Variants in SCN4B observed in about 807,000 individuals in gnomAD.
The protein encoded by SCN4B is sodium channel regulatory subunit beta-4.
A neutral mutation model predicts 19.6 loss-of-function variants in SCN4B; 20 were observed. The ratio of observed to expected loss-of-function variants is 1.02; its 90% CI spans 0.72 to 1.48. The LOEUF is 1.48. SCN4B is among the 40% of genes most tolerant of loss of function. The pLI, the probability that SCN4B is intolerant of heterozygous loss-of-function variation, is 0.00. For missense variants in SCN4B, 271 were observed against 287.5 expected (o/e 0.94, Z 0.42); for synonymous variants, 127 against 122.8 (o/e 1.03, Z -0.22).
chr11:118,144,981 A>G, intron 2 of SCN4B, 76 bp downstream of exon 2: 1 of 1,461,090 alleles, frequency 6.8e-7, no homozygotes, highest in East Asian at 2.3e-5. Flanking sequence ...GTCTCAGTCC[A>G]GAAGGGACCA....
In SCN4B at chr11:118,135,985, C is replaced by T. The variant is rs1314008627; in HGVS notation, c.*1042G>A. On this transcript the variant is annotated 3_prime_UTR_variant, in exon 5 of 5. Transcript: ENST00000324727. The stretch of plus-strand genomic sequence containing the variant: ...CCTGAGGCGAAGGCAGGCCCTTGAC[C>T]CAGGGCTGGGAAATGAACCACCCTG... 17 of 451,742 alleles carry T rather than the reference C, an allele frequency of 3.8e-5. No individual in the cohort carries two copies. The highest frequency in any genetic ancestry group is 8.0e-5 in the African/African-American group (4 of 49,858). The allele number at this position is 451,742 out of a possible 1,614,324, so 28.0% of individuals were successfully genotyped here.
In SCN4B at chr11:118,135,987, A is replaced by G. The variant is rs1420135439; in HGVS notation, c.*1040T>C. 3 of 449,698 alleles carry G rather than the reference A, an allele frequency of 6.7e-6. No individual in the cohort carries two copies. The highest frequency in any genetic ancestry group is 1.3e-5 in the Non-Finnish European group (3 of 225,766). 27.9% of individuals were successfully genotyped at this position (449,698 alleles called of 1,614,324 possible). ...TGAGGCGAAGGCAGGCCCTTGACCC[A>G]GGGCTGGGAAATGAACCACCCTGGG... On this transcript the variant is annotated 3_prime_UTR_variant, in exon 5 of 5. Transcript: ENST00000324727.
intron 1 of SCN4B, among the ~76,000 whole-genome samples, chr11:118,151,015 G>T (rs1184636669): frequency 6.6e-6 from 1 of 152,074 alleles, no homozygotes; most frequent in Non-Finnish European, 1.5e-5. Flanking sequence ...ATATCAATAG[G>T]CCTTAGCCCC....
In SCN4B at chr11:118,135,922, G is replaced by A. The variant is rs554742649; in HGVS notation, c.*1105C>T. On this transcript the variant is annotated 3_prime_UTR_variant, in exon 5 of 5. Transcript: ENST00000324727. The stretch of plus-strand genomic sequence containing the variant: ...GGCCCAGCTGAGCAGGAAGCAGCTG[G>A]GAAACCCAAGGACCCCCTCATCCAA... 7.3e-5 allele frequency: 33 copies of A among 454,332 alleles called. 1 individual carries two copies. The highest frequency in any genetic ancestry group is 4.7e-4 in the South Asian group (30 of 64,472). 28.1% of individuals were successfully genotyped at this position (454,332 alleles called of 1,614,324 possible).
rs1020072672 is a variant in SCN4B, at chr11:118,146,898, A to G, written c.62-1669T>C. Among the ~76,000 whole-genome samples, 4 of 152,332 alleles carry G rather than the reference A, an allele frequency of 2.6e-5. No individual in the cohort carries two copies. The East Asian group carries it at 5.8e-4, about 22-fold the overall frequency. On this transcript the variant is annotated intron_variant, in intron 1 of 4. Transcript: ENST00000324727. ...CCCAGATCTACCCACCAGGGCTCCA[A>G]TTAGTGCTGGGAAGTTATTTCAATT...
In SCN4B at chr11:118,148,282, A is replaced by G. The variant is rs1180657523; in HGVS notation, c.62-3053T>C. Among the ~76,000 whole-genome samples the G allele has an allele frequency of 6.6e-6, 1 of 152,214 alleles. No individual in the cohort carries two copies. Among genetic ancestry groups the G allele is most frequent in the Non-Finnish European group, 1.5e-5 (1 of 68,046 alleles). On this transcript the variant is annotated intron_variant, in intron 1 of 4. Transcript: ENST00000324727. This position sits in a 1 kb window ranked among gnomAD's most constrained non-coding sequence, Gnocchi z 4.0. The stretch of plus-strand genomic sequence containing the variant: ...CAGTCGGGAGTCATGCAGTCCTGCC[A>G]GTTATGTCTGGGAGGGTCATGCACA...
chr11:118,138,122 C>T (rs1388390869), intron 4 of SCN4B, among the ~76,000 whole-genome samples: 1 of 152,116 alleles, frequency 6.6e-6, no homozygotes, highest in East Asian at 1.9e-4. Flanking sequence ...AGGCTGGGCA[C>T]ACAGAACTCC....
Position 118,136,043 on chromosome 11 carries a change from G to A in SCN4B, c.*984C>T, listed in dbSNP as rs748377170. 30 of 438,512 alleles carry A rather than the reference G, an allele frequency of 6.8e-5. 1 individual carries two copies. The highest frequency in any genetic ancestry group is 1.4e-4 in the East Asian group (2 of 14,140). 27.2% of individuals were successfully genotyped at this position (438,512 alleles called of 1,614,324 possible). On this transcript the variant is annotated 3_prime_UTR_variant, in exon 5 of 5. Coordinates refer to ENST00000324727, the MANE Select transcript of SCN4B (RefSeq NM_174934.4). Reference sequence around the variant, plus strand: ...GGCGTGATGGAGGGCACGGTGGGGGGGGGGGAGCGAGCCAATGGGAGGTTG... The same window carrying A: ...GGCGTGATGGAGGGCACGGTGGGGGAGGGGGAGCGAGCCAATGGGAGGTTG...
chr11:118,134,547 A>C lies in SCN4B; in HGVS notation c.*2480T>G. On this transcript the variant is annotated 3_prime_UTR_variant, in exon 5 of 5. Transcript: ENST00000324727. Reference sequence around the variant, plus strand: ...TGCCCCCACGCATGGGGGCAACCAAAAATGCCCCCCCTACAATCTCAGTCA... The same window carrying C: ...TGCCCCCACGCATGGGGGCAACCAACAATGCCCCCCCTACAATCTCAGTCA... 2.2e-6 allele frequency: 1 copy of C among 454,108 alleles called. No homozygotes were observed. The highest frequency in any genetic ancestry group is 4.4e-6 in the Non-Finnish European group (1 of 226,800). 28.1% of individuals were successfully genotyped at this position (454,108 alleles called of 1,614,324 possible). A position where few individuals can be genotyped will look rare whatever the true frequency, so the allele number is the denominator to read the frequency against.
intron 2 of SCN4B, 26 bp downstream of exon 2, chr11:118,145,031 G>A (rs1825509430): frequency 6.2e-7 from 1 of 1,611,056 alleles, no homozygotes; most frequent in Admixed American, 1.7e-5. Context: ...AGGCTGGGCT[G>A]TACTGTTCTT....
At chr11:118,141,064 G>A (rs190893579) in intron 4 of SCN4B, 143 bp downstream of exon 4, 12 of 875,280 alleles carry the variant, frequency 1.4e-5, no homozygotes, top group Non-Finnish European at 2.1e-5. Context: ...GAGATGGGGA[G>A]GGGGTGGCAG....
At chr11:118,149,619 CCT>C (rs1301657706) in intron 1 of SCN4B, among the ~76,000 whole-genome samples, 1 of 152,188 alleles carries the variant, frequency 6.6e-6, no homozygotes, top group Admixed American at 6.5e-5. Flanking sequence ...AAAGCATGCC[CCT>C]GAGACAGCAT....
intron 4 of SCN4B, 108 bp downstream of exon 4, chr11:118,141,099 T>A (rs1286211568): frequency 8.1e-7 from 1 of 1,234,152 alleles, no homozygotes; most frequent in African/African-American, 1.7e-5. Context: ...GCGGTAGGAA[T>A]GGGAATGGGG....
In SCN4B at chr11:118,152,579, G is replaced by A. The variant is rs544500811; in HGVS notation, c.61+34C>T. ...GTCCCCTTCTTTGGGGGTGGGGGGA[G>A]GCAAGAGAAGAGACCAAGCTGGGGC... On this transcript the variant is annotated intron_variant, in intron 1 of 4. Transcript: ENST00000324727. 10 of 1,577,742 alleles carry A rather than the reference G, an allele frequency of 6.3e-6. No homozygotes were observed. The African/African-American group carries it at 8.1e-5, about 13-fold the overall frequency.
chr11:118,148,201 G>A lies in SCN4B; in HGVS notation c.62-2972C>T, dbSNP rs188610049. 4.0e-4 allele frequency among the ~76,000 whole-genome samples: 61 copies of A among 152,346 alleles called. No individual in the cohort carries two copies. Among genetic ancestry groups the A allele is most frequent in the East Asian group, 2.3e-3 (12 of 5,180 alleles). ...TTTCACAGAGTCCAGAGCCCTGCCC[G>A]AGTGAAAGCATCAGAGAGGGTGGGC... On this transcript the variant is annotated intron_variant, in intron 1 of 4. Coordinates refer to ENST00000324727, the MANE Select transcript of SCN4B (RefSeq NM_174934.4). The surrounding 1 kb of genome is among the most constrained non-coding windows in gnomAD (Gnocchi z 4.0).
chr11:118,141,764 G>A (rs1169022766), intron 3 of SCN4B: 4 of 211,162 alleles, frequency 1.9e-5, no homozygotes, highest in Non-Finnish European at 3.9e-5. Flanking sequence ...GAAGATTTTG[G>A]AGTCAGATAG....
chr11:118,152,362 G>A (rs1318778134), intron 1 of SCN4B, among the ~76,000 whole-genome samples: 3 of 152,166 alleles, frequency 2.0e-5, no homozygotes, highest in Non-Finnish European at 4.4e-5. Context: ...ACCTGGAGCC[G>A]AAGGTGCCAA....
intron 4 of SCN4B, among the ~76,000 whole-genome samples, chr11:118,140,595 T>C (rs1948082728): frequency 6.6e-6 from 1 of 152,258 alleles, no homozygotes; most frequent in African/African-American, 2.4e-5. Flanking sequence ...TGTCTGATAC[T>C]GTTCCAAAAA....
chr11:118,143,943 A>G lies in SCN4B; in HGVS notation c.353T>C (p.Leu118Pro), dbSNP rs755758222. The change falls in exon 3 of 5, where the codon CTG (leucine) becomes CCG (proline). Residue 118 changes from leucine to proline, a missense_variant. Leu to Pro is a moderately conservative substitution (Grantham distance 98). Transcript: ENST00000324727. ...KEKMNNISIVLRDLEFSDTGK... is the reference protein window; with the variant it reads ...KEKMNNISIVPRDLEFSDTGK... Reference sequence around the variant, plus strand: ...CGTGTCGCTGAACTCCAGGTCCCTCAGCACAATGGAAATGTTGTTCATCTT... The same window carrying G: ...CGTGTCGCTGAACTCCAGGTCCCTCGGCACAATGGAAATGTTGTTCATCTT... The G allele has an allele frequency of 3.1e-6, 5 of 1,614,018 alleles. No individual in the cohort carries two copies. In the Admixed American group the frequency reaches 8.3e-5, roughly 27 times the overall value.
Sources: allele counts gnomAD v4.1 joint callset (sites outside exome capture counted in the v4.1 genomes callset), GRCh38; gene constraint gnomAD v4.1.1; non-coding constraint Gnocchi (gnomAD v3.1); transcripts MANE v1.5; gene names NCBI Gene and HGNC (gene_info 2026-07-23, HGNC 2026-07-21).